Variants in PTPRN2 observed in about 807,000 individuals in gnomAD.
The protein encoded by PTPRN2 is receptor-type tyrosine-protein phosphatase N2.
A neutral mutation model predicts 118.8 loss-of-function variants in PTPRN2; 74 were observed. The observed-to-expected ratio is 0.62, with a 90% confidence interval of 0.52 to 0.76. PTPRN2 has a LOEUF of 0.76. Among genes scored for constraint, PTPRN2 ranks in the 30% least tolerant of loss-of-function variants. The probability of loss-of-function intolerance (pLI) is 0.00; values close to 1 mark genes in which losing one functional copy is unlikely to be tolerated. For synonymous variants in PTPRN2, 641 were observed against 608.0 expected, an observed-to-expected ratio of 1.05 and a Z score of -0.80; for missense variants, 1,481 against 1,394.4, an observed-to-expected ratio of 1.06 and a Z score of -0.99.
Position 157,966,773 on chromosome 7 carries a change from A to G in PTPRN2, c.1724-68036T>C, listed in dbSNP as rs62475445. Among the ~76,000 whole-genome samples, 570 of 152,072 alleles carry G rather than the reference A, an allele frequency of 3.7e-3. 3 individuals are homozygous for G. The highest frequency in any genetic ancestry group is 0.01 in the Middle Eastern group (3 of 294). ...CATTACCATTATCACCATCACAATG[A>G]TCACTATCATCACCATCATCTTCAT... On this transcript the variant is annotated intron_variant, in intron 11 of 22. Transcript: ENST00000389418.
At chr7:158,393,694 T>C (rs867861175) in intron 2 of PTPRN2, among the ~76,000 whole-genome samples, 26 of 152,192 alleles carry the variant, frequency 1.7e-4, no homozygotes, top group African/African-American at 4.1e-4. Context: ...AATAGTGTGA[T>C]GGCTCTAATG....
At chr7:158,235,960 C>T (rs1240273549) in intron 3 of PTPRN2, among the ~76,000 whole-genome samples, 1 of 152,164 alleles carries the variant, frequency 6.6e-6, no homozygotes, top group African/African-American at 2.4e-5. Context: ...GACCACACCT[C>T]CCAAAACCAC....
chr7:158,188,187 G>A (rs543391110), intron 5 of PTPRN2, among the ~76,000 whole-genome samples: 2 of 64,054 alleles, frequency 3.1e-5, no homozygotes, highest in African/African-American at 8.7e-5. Flanking sequence ...CTCGCCCCGC[G>A]ATGGGGAAGG....
intron 4 of PTPRN2, 93 bp from the exon 5 acceptor site, chr7:158,192,588 C>T (rs1168785377): frequency 7.1e-7 from 1 of 1,407,598 alleles, no homozygotes. Context: ...ATGCAAGGGG[C>T]TGGGAGCCGG....
intron 1 of PTPRN2, among the ~76,000 whole-genome samples, chr7:158,536,416 T>G (rs1009099146): frequency 7.3e-6 from 1 of 137,812 alleles, no homozygotes; most frequent in Non-Finnish European, 1.6e-5. Flanking sequence ...CCCAGCCCAC[T>G]ATAACCCAGA....
At chr7:158,278,993 G>A (rs1469924516) in intron 3 of PTPRN2, among the ~76,000 whole-genome samples, 1 of 152,088 alleles carries the variant, frequency 6.6e-6, no homozygotes, top group Admixed American at 6.5e-5. Context: ...GCAGACCTTC[G>A]AGGTGAGTGT....
intron 13 of PTPRN2, among the ~76,000 whole-genome samples, chr7:157,659,420 G>A (rs1405284915): frequency 2.3e-5 from 3 of 130,220 alleles, no homozygotes; most frequent in South Asian, 6.1e-4. Flanking sequence ...GGGACTGGGC[G>A]GGAGGTGGAT....
intron 11 of PTPRN2, among the ~76,000 whole-genome samples, chr7:157,899,039 C>T (rs1158837874): frequency 1.3e-5 from 2 of 152,234 alleles, no homozygotes. Flanking sequence ...TATGTAGAGA[C>T]ATTCTGCAAA....
chr7:158,527,439 G>A (rs998334178), intron 1 of PTPRN2, among the ~76,000 whole-genome samples: 4 of 152,230 alleles, frequency 2.6e-5, no homozygotes, highest in African/African-American at 9.6e-5. Context: ...TGATGAGCAG[G>A]TGAAGGAACA....
At chr7:158,332,459 C>G (rs1378679188) in intron 2 of PTPRN2, among the ~76,000 whole-genome samples, 4 of 147,824 alleles carry the variant, frequency 2.7e-5, no homozygotes, top group African/African-American at 5.1e-5. Flanking sequence ...ACACTCTCAC[C>G]ATAAGAGGTG....
intron 21 of PTPRN2, among the ~76,000 whole-genome samples, chr7:157,553,469 G>C (rs1798733083): frequency 6.6e-6 from 1 of 152,210 alleles, no homozygotes; most frequent in African/African-American, 2.4e-5. Context: ...CTGTCTCCCA[G>C]AGTGGCGTCG....
rs1031168435 is a variant in PTPRN2, at chr7:157,590,400, GC to G, written c.2496+4837del. On this transcript the variant is annotated intron_variant, in intron 17 of 22. Transcript: ENST00000389418. This position sits in a 1 kb window ranked among gnomAD's most constrained non-coding sequence, Gnocchi z 4.0. ...GGAATTCAGCCGAATGATTTGGAGAGCACTCACAGACAAGGAATTAATTTGG... is the reference window on the plus strand; with the variant it reads ...GGAATTCAGCCGAATGATTTGGAGAGACTCACAGACAAGGAATTAATTTGG... Among the ~76,000 whole-genome samples the G allele has an allele frequency of 6.6e-6, 1 of 152,180 alleles. No homozygotes were observed. Among genetic ancestry groups the G allele is most frequent in the African/African-American group, 2.4e-5 (1 of 41,436 alleles).
intron 21 of PTPRN2, among the ~76,000 whole-genome samples, chr7:157,565,093 C>A (rs1309457623): frequency 6.6e-6 from 1 of 152,200 alleles, no homozygotes; most frequent in Admixed American, 6.5e-5. Flanking sequence ...AGATGAGGTG[C>A]GTAGTATATT....
At chr7:158,343,071 C>G (rs2151242540) in intron 2 of PTPRN2, among the ~76,000 whole-genome samples, 1 of 152,208 alleles carries the variant, frequency 6.6e-6, no homozygotes, top group South Asian at 2.1e-4. Context: ...ATGTAACCAT[C>G]AAAATTAAAA....
chr7:158,331,843 TAAC>T (rs1480786572), intron 2 of PTPRN2, among the ~76,000 whole-genome samples: 16 of 108,378 alleles, frequency 1.5e-4, no homozygotes, highest in Non-Finnish European at 4.2e-5. Flanking sequence ...CAGACGACAC[TAAC>T]AACCAGATTC....
intron 3 of PTPRN2, among the ~76,000 whole-genome samples, chr7:158,206,813 T>C (rs1827188655): frequency 6.6e-6 from 1 of 151,794 alleles, no homozygotes; most frequent in African/African-American, 2.4e-5. Flanking sequence ...ATTTATTTAT[T>C]TTTTATTATT....
chr7:158,236,706 C>T (rs1252344317), intron 3 of PTPRN2, among the ~76,000 whole-genome samples: 2 of 152,240 alleles, frequency 1.3e-5, no homozygotes, highest in African/African-American at 4.8e-5. Context: ...CTGTCCCCGC[C>T]TGGTCACCCA....
At chr7:157,930,253 C>T (rs1225439176) in intron 11 of PTPRN2, among the ~76,000 whole-genome samples, 2 of 152,182 alleles carry the variant, frequency 1.3e-5, no homozygotes, top group Non-Finnish European at 2.9e-5. Context: ...GACCACAATT[C>T]TAAAATATTA....
Position 157,596,429 on chromosome 7 carries a change from A to G in PTPRN2, c.2419-1114T>C, listed in dbSNP as rs1294663232. ...TGTCCGAACGCATCTTGCTAGCTCC[A>G]ATGGGAGAAGGTTGGCTTAGAAGAC... On this transcript the variant is annotated intron_variant, in intron 16 of 22. Transcript: ENST00000389418. This position sits in a 1 kb window ranked among gnomAD's most constrained non-coding sequence, Gnocchi z 4.2. Among the ~76,000 whole-genome samples, 1 of 152,316 alleles carries G rather than the reference A, an allele frequency of 6.6e-6. No homozygotes were observed. Among genetic ancestry groups the G allele is most frequent in the Non-Finnish European group, 1.5e-5 (1 of 68,018 alleles).
Sources: allele counts gnomAD v4.1 joint callset (sites outside exome capture counted in the v4.1 genomes callset), GRCh38; gene constraint gnomAD v4.1.1; non-coding constraint Gnocchi (gnomAD v3.1); transcripts MANE v1.5; gene names NCBI Gene and HGNC (gene_info 2026-07-23, HGNC 2026-07-21).